The following STRN variants were observed in gnomAD, a reference collection of about 807,000 sequenced individuals.
STRN encodes protein phosphatase 2 regulatory subunit B'''alpha.
STRN carries 53 observed loss-of-function variants against 96.3 expected under a neutral mutation model. The ratio of observed to expected loss-of-function variants is 0.55; its 90% CI spans 0.44 to 0.69. STRN has a LOEUF of 0.69. Ranked by LOEUF, STRN falls within the 30% of genes least tolerant of loss-of-function variation. STRN has a pLI of 0.00. For synonymous variants in STRN, 428 were observed against 355.9 expected (o/e 1.20, Z -2.28); for missense variants, 987 against 963.9 (o/e 1.02, Z -0.32).
In STRN at chr2:36,847,950, T is replaced by C. The variant is rs1183798130; in HGVS notation, c.*1506A>G. 2 of 152,228 alleles carry C rather than the reference T, an allele frequency of 1.3e-5. No homozygotes were observed. The highest frequency in any genetic ancestry group is 2.9e-5 in the Non-Finnish European group (2 of 68,044). The allele number at this position is 152,228 out of a possible 1,614,324, so 9.4% of individuals were successfully genotyped here. A position where few individuals can be genotyped will look rare whatever the true frequency, so the allele number is the denominator to read the frequency against. On this transcript the variant is annotated 3_prime_UTR_variant, in exon 18 of 18. Transcript: ENST00000263918. ...ATTTATATGTTTTTTGGTGGAAAGT[T>C]GGACGTTAATAATTTATTTCCAATT...
chr2:36,884,320 G>A (rs142405577), intron 8 of STRN, among the ~76,000 whole-genome samples: 45 of 152,136 alleles, frequency 3.0e-4, no homozygotes, highest in African/African-American at 9.9e-4. Context: ...AAGAATGCTC[G>A]TGTCCAGTTA....
At chr2:36,861,288 C>G (rs916969123) in intron 12 of STRN, 35 bp from the exon 13 acceptor site, 25 of 1,601,340 alleles carry the variant, frequency 1.6e-5, no homozygotes, top group Non-Finnish European at 2.0e-5. Flanking sequence ...AACTGCTATT[C>G]TCAAAAACCA....
intron 14 of STRN, among the ~76,000 whole-genome samples, chr2:36,857,226 T>C (rs2717495): frequency 0.86 from 130,363 of 151,716 alleles, 57,781 homozygotes; most frequent in Non-Finnish European, 0.96. Context: ...CACACCTGGA[T>C]TCTATGTCTT....
At chr2:36,873,844 G>A (rs1370113235) in intron 10 of STRN, among the ~76,000 whole-genome samples, 1 of 151,718 alleles carries the variant, frequency 6.6e-6, no homozygotes, top group Non-Finnish European at 1.5e-5. Flanking sequence ...CCGAGAGGCT[G>A]AGGCAGGAGA....
intron 12 of STRN, among the ~76,000 whole-genome samples, chr2:36,863,699 T>C (rs1668551887): frequency 6.6e-6 from 1 of 152,204 alleles, no homozygotes. Flanking sequence ...TGTTAGAATG[T>C]CATTGGTAGT....
chr2:36,930,773 C>T (rs553323419), intron 1 of STRN, among the ~76,000 whole-genome samples: 1 of 152,178 alleles, frequency 6.6e-6, no homozygotes, highest in South Asian at 2.1e-4. Context: ...TGGCTCAGGC[C>T]TGTAATCCTA....
intron 11 of STRN, among the ~76,000 whole-genome samples, chr2:36,869,022 T>G (rs1668698616): frequency 6.6e-6 from 1 of 152,132 alleles, no homozygotes; most frequent in Admixed American, 6.6e-5. Flanking sequence ...AGGGCCAAGG[T>G]GAGCACTAGC....
chr2:36,924,894 T>C (rs570144984), intron 2 of STRN, among the ~76,000 whole-genome samples: 2 of 152,192 alleles, frequency 1.3e-5, no homozygotes, highest in South Asian at 4.2e-4. Flanking sequence ...ATGACTCTAC[T>C]AAAAATACAA....
chr2:36,878,762 T>G (rs1668988274), intron 9 of STRN, among the ~76,000 whole-genome samples: 1 of 152,100 alleles, frequency 6.6e-6, no homozygotes, highest in South Asian at 2.1e-4. Context: ...TTTTTTTATG[T>G]TTTTTTCTGA....
intron 1 of STRN, among the ~76,000 whole-genome samples, chr2:36,941,607 T>C (rs928999187): frequency 1.3e-5 from 2 of 151,918 alleles, no homozygotes; most frequent in Admixed American, 6.6e-5. Flanking sequence ...TGGAGTGCAA[T>C]GGCATGATCT....
Position 36,882,120 on chromosome 2 carries a change from T to A in STRN, c.1186+1812A>T, listed in dbSNP as rs201505126. On this transcript the variant is annotated intron_variant, in intron 9 of 17. Transcript: ENST00000263918. ...GTCAAAAATTTCACTGAAGAAGTAT[T>A]CCAATCGTGAAAATCTAGATACATC... 5.0e-4 allele frequency among the ~76,000 whole-genome samples: 76 copies of A among 152,282 alleles called. No homozygotes were observed. In the East Asian group the frequency reaches 7.7e-3, roughly 15 times the overall value.
chr2:36,863,475 G>A (rs1011640175), intron 12 of STRN, among the ~76,000 whole-genome samples: 16 of 152,228 alleles, frequency 1.1e-4, no homozygotes, highest in Admixed American at 3.3e-4. Context: ...AAGATTAGAC[G>A]GTTATAAGTG....
In STRN at chr2:36,855,302, T is replaced by C. The variant is rs1191503538; in HGVS notation, c.1888A>G (p.Met630Val). ...TATCCCTTGCTGAATGATGCTACCA[T>C]ATGGCTCGGGTCACTGCTCACTAGA... The part of the protein sequence containing the change: ...VDLVSSDPSH[M>V]VASFSKGYTS... Residue 630 changes from methionine (M) to valine (V), a missense_variant, in exon 15 of 18, where the codon ATG becomes GTG. By Grantham distance (21) the Met-to-Val change is conservative. Coordinates refer to ENST00000263918, the MANE Select transcript of STRN (RefSeq NM_003162.4). The C allele has an allele frequency of 6.2e-7, 1 of 1,613,796 alleles. No homozygotes were observed. The highest frequency in any genetic ancestry group is 8.5e-7 in the Non-Finnish European group (1 of 1,179,852).
chr2:36,876,984 G>A (rs1465148777), intron 10 of STRN, among the ~76,000 whole-genome samples: 3 of 152,058 alleles, frequency 2.0e-5, no homozygotes, highest in African/African-American at 7.2e-5. Flanking sequence ...TCCTGACCTC[G>A]TGATCCACCC....
chr2:36,949,906 A>G (rs1664708350), intron 1 of STRN, among the ~76,000 whole-genome samples: 1 of 152,232 alleles, frequency 6.6e-6, no homozygotes, highest in African/African-American at 2.4e-5. Context: ...AGGTAGAGTG[A>G]GAGGACTTCA....
Position 36,966,322 on chromosome 2 carries a change from T to G in STRN, c.142A>C (p.Ser48Arg), listed in dbSNP as rs756389595. The G allele has an allele frequency of 6.6e-7, 1 of 1,522,412 alleles. No homozygotes were observed. Among genetic ancestry groups the G allele is most frequent in the Non-Finnish European group, 8.8e-7 (1 of 1,137,598 alleles). 94.3% of individuals were successfully genotyped at this position (1,522,412 alleles called of 1,614,324 possible). The change falls in exon 1 of 18, where the codon AGT (serine) becomes CGT (arginine). Residue 48 changes from serine (S) to arginine (R), a missense_variant. Physicochemically the swap from Ser to Arg is moderately radical, Grantham distance 110. Transcript: ENST00000263918. ...AGGAAGTGCAGGATCCCCGGGAGAC[T>G]GTACTGGGCTCGGGCCGCCCCCGCC... ...AAAGAARAQY[S>R]LPGILHFLQH...
intron 14 of STRN, among the ~76,000 whole-genome samples, chr2:36,857,575 G>A (rs891029175): frequency 6.6e-6 from 1 of 151,884 alleles, no homozygotes; most frequent in African/African-American, 2.4e-5. Context: ...CAGGAGAATT[G>A]CTTGAAACTG....
chr2:36,896,163 G>A (rs577995775), intron 6 of STRN, among the ~76,000 whole-genome samples: 1 of 152,206 alleles, frequency 6.6e-6, no homozygotes, highest in South Asian at 2.1e-4. Context: ...TCCATAAGAA[G>A]CATGTGGAAC....
At chr2:36,899,799 T>TG in intron 5 of STRN, 141 bp from the exon 6 acceptor site, 6 of 800,102 alleles carry the variant, frequency 7.5e-6, no homozygotes, top group Non-Finnish European at 1.1e-5. Context: ...TTCTTATCAA[T>TG]TACACTCTCA....
Sources: allele counts gnomAD v4.1 joint callset (sites outside exome capture counted in the v4.1 genomes callset), GRCh38; gene constraint gnomAD v4.1.1; transcripts MANE v1.5; gene names NCBI Gene and HGNC (gene_info 2026-07-23, HGNC 2026-07-21).